Variants in LRCOL1 observed in about 807,000 individuals in gnomAD.
LRCOL1 encodes leucine rich colipase like 1, also known as leucine-rich colipase-like protein 1.
A neutral mutation model predicts 21.6 loss-of-function variants in LRCOL1; 21 were observed. The ratio of observed to expected loss-of-function variants is 0.97; its 90% CI spans 0.69 to 1.40. The LOEUF is 1.40. Among genes scored for constraint, LRCOL1 ranks in the 40% most tolerant of loss-of-function variants. The probability of loss-of-function intolerance (pLI) is 0.00; values close to 1 mark genes in which losing one functional copy is unlikely to be tolerated. For synonymous variants in LRCOL1, 98 were observed against 90.1 expected, an observed-to-expected ratio of 1.09 and a Z score of -0.49; for missense variants, 198 against 202.3, an observed-to-expected ratio of 0.98 and a Z score of 0.13.
Position 132,604,832 on chromosome 12 carries a change from C to A in LRCOL1, c.106-1G>T. ...GTCTCCTGCATGGCTCCCCGATGCC[C>A]TGAAACACCACTCACCAGCTCGCTC... On this transcript the variant is annotated splice_acceptor_variant, in intron 2 of 5. Transcript: ENST00000376608. LOFTEE classifies it high-confidence loss of function. The A allele has an allele frequency of 2.0e-6, 3 of 1,535,850 alleles. No individual in the cohort carries two copies.
chr12:132,606,211 A>G lies in LRCOL1; in HGVS notation c.41T>C (p.Leu14Pro). The G allele has an allele frequency of 6.5e-7, 1 of 1,536,608 alleles. No homozygotes were observed. The highest frequency in any genetic ancestry group is 8.7e-7 in the Non-Finnish European group (1 of 1,146,838). The change falls in exon 2 of 6, where the codon CTG (leucine) becomes CCG (proline). Residue 14 changes from leucine to proline, a missense_variant. Leu to Pro is a moderately conservative substitution (Grantham distance 98). Transcript: ENST00000376608. The surrounding 1 kb of genome is among the most constrained non-coding windows in gnomAD (Gnocchi z 4.6). ...TGCCATGGACCCCAGCAGCAGCAGC[A>G]GCAGCAGCAGTAGCAGCAGCGTCCA... Reference protein sequence around the residue: ...PGWTLLLLLLLLLLLGSMAGY... With the variant: ...PGWTLLLLLLPLLLLGSMAGY...
intron 5 of LRCOL1, 76 bp from the exon 6 acceptor site, chr12:132,603,480 C>T (rs2041252955): frequency 2.0e-6 from 3 of 1,535,592 alleles, no homozygotes; most frequent in Non-Finnish European, 2.6e-6. Flanking sequence ...GACGGGAACC[C>T]GGGGCCACAG....
At chr12:132,604,166 G>C in intron 5 of LRCOL1, 88 bp downstream of exon 5, 1 of 1,458,536 alleles carries the variant, frequency 6.9e-7, no homozygotes, top group African/African-American at 1.4e-5. Context: ...TCACAGCCGC[G>C]GTCCCGGTCC....
chr12:132,605,590 G>A (rs998100283), intron 2 of LRCOL1, among the ~76,000 whole-genome samples: 10 of 152,020 alleles, frequency 6.6e-5, no homozygotes, highest in Admixed American at 3.9e-4. Context: ...TTAGCCAGGC[G>A]TGGTGGCGCG....
intron 5 of LRCOL1, 99 bp downstream of exon 5, chr12:132,604,155 C>G: frequency 6.9e-6 from 10 of 1,456,038 alleles, no homozygotes; most frequent in Non-Finnish European, 8.1e-6. Context: ...GAGCCCACCT[C>G]TCACAGCCGC....
rs746262713 is a variant in LRCOL1, at chr12:132,606,035, C to T, written c.105+112G>A. Reference sequence around the variant, plus strand: ...TTGTGTCCCTTTGAGACCCTCCTGACGGAAAGTGGCAGCCCTCGCGGGTGG... The same window carrying T: ...TTGTGTCCCTTTGAGACCCTCCTGATGGAAAGTGGCAGCCCTCGCGGGTGG... On this transcript the variant is annotated intron_variant, in intron 2 of 5. Coordinates refer to ENST00000376608, the MANE Select transcript of LRCOL1 (RefSeq NM_001195520.2). This position sits in a 1 kb window ranked among gnomAD's most constrained non-coding sequence, Gnocchi z 4.6. 23 of 973,996 alleles carry T rather than the reference C, an allele frequency of 2.4e-5. No homozygotes were observed. The highest frequency in any genetic ancestry group is 1.4e-4 in the Admixed American group (6 of 41,392). 60.3% of individuals were successfully genotyped at this position (973,996 alleles called of 1,614,324 possible). A position where few individuals can be genotyped will look rare whatever the true frequency, so the allele number is the denominator to read the frequency against.
chr12:132,608,813 C>G (rs553270039), intron 1 of LRCOL1, among the ~76,000 whole-genome samples: 9 of 152,184 alleles, frequency 5.9e-5, no homozygotes, highest in Non-Finnish European at 1.2e-4. Context: ...CTTGCAGTAT[C>G]TTTCCTGTAC....
intron 5 of LRCOL1, 54 bp downstream of exon 5, chr12:132,604,200 T>C (rs2041268396): frequency 6.7e-7 from 1 of 1,492,810 alleles, no homozygotes; most frequent in Admixed American, 2.1e-5. Flanking sequence ...CTGTGCGACT[T>C]CCCTGTGGCG....
At chr12:132,607,936 CCTCT>C (rs755436219) in intron 1 of LRCOL1, among the ~76,000 whole-genome samples, 9 of 134,006 alleles carry the variant, frequency 6.7e-5, no homozygotes, top group East Asian at 2.3e-4. Context: ...TCTGTCTCTC[CCTCT>C]CTTTCTCTGC....
intron 3 of LRCOL1, 29 bp from the exon 4 acceptor site, chr12:132,604,613 C>A (rs765386243): frequency 1.3e-6 from 2 of 1,526,836 alleles, no homozygotes; most frequent in Non-Finnish European, 1.8e-6. Context: ...GTCATCCCTG[C>A]ACCCACCATC....
At position 132,606,255 on chromosome 12, in the gene LRCOL1, G is replaced by GTGTGTGGACCTGCAGAGACCCAGGAT; in HGVS notation, c.-13-17_-5dup. The GTGTGTGGACCTGCAGAGACCCAGGAT allele has an allele frequency of 6.5e-7, 1 of 1,536,254 alleles. No homozygotes were observed. The highest frequency in any genetic ancestry group is 8.7e-7 in the Non-Finnish European group (1 of 1,146,886). ...GCGTCCACCCCGGGCCGGCCATCGG[G>GTGTGTGGACCTGCAGAGACCCAGGAT]TGTGTGGACCTGCAGAGACCCAGGA... On this transcript the variant is annotated 5_prime_UTR_variant, in exon 2 of 6. Coordinates refer to ENST00000376608, the MANE Select transcript of LRCOL1 (RefSeq NM_001195520.2). This position sits in a 1 kb window ranked among gnomAD's most constrained non-coding sequence, Gnocchi z 4.6.
chr12:132,604,203 C>G, intron 5 of LRCOL1, 51 bp downstream of exon 5: 1 of 1,494,384 alleles, frequency 6.7e-7, no homozygotes, highest in Admixed American at 2.1e-5. Context: ...TGCGACTTCC[C>G]TGTGGCGGCC....
chr12:132,605,744 CTT>C (rs1491330433), intron 2 of LRCOL1: 69,260 of 161,860 alleles, frequency 0.43, 15,204 homozygotes, highest in East Asian at 0.61. Flanking sequence ...CTCTCTCTCT[CTT>C]ACACACACAC....
chr12:132,608,893 G>A (rs917653341), intron 1 of LRCOL1, among the ~76,000 whole-genome samples: 2 of 152,106 alleles, frequency 1.3e-5, no homozygotes, highest in Admixed American at 6.5e-5. Context: ...CACAGGCTTC[G>A]TTTCCAAATG....
intron 1 of LRCOL1, among the ~76,000 whole-genome samples, chr12:132,607,805 C>T: frequency 6.7e-6 from 1 of 150,308 alleles, no homozygotes; most frequent in Non-Finnish European, 1.5e-5. Flanking sequence ...CTGTCTCTGT[C>T]TCCCTCTCTC....
Position 132,603,404 on chromosome 12 carries a change from A to G in LRCOL1, c.478T>C (p.Ter160ArgextTer43). 6.5e-7 allele frequency: 1 copy of G among 1,536,188 alleles called. No homozygotes were observed. The highest frequency in any genetic ancestry group is 8.7e-7 in the Non-Finnish European group (1 of 1,146,900). The part of the protein sequence containing the change: ...TGILAQCLPL[*>R] ...TCGCGCCCAGGTTCGAGCTCACATCACTGAAGGAGAAGCCAAAGCTGAGGA... is the reference window on the plus strand; with the variant it reads ...TCGCGCCCAGGTTCGAGCTCACATCGCTGAAGGAGAAGCCAAAGCTGAGGA... Residue 160 changes from the stop codon to arginine, a stop_lost and splice_region_variant, in exon 6 of 6, where the codon TGA becomes CGA. Transcript: ENST00000376608.
intron 1 of LRCOL1, among the ~76,000 whole-genome samples, chr12:132,610,045 A>C (rs1031365178): frequency 1.3e-5 from 2 of 152,166 alleles, no homozygotes; most frequent in Non-Finnish European, 2.9e-5. Context: ...TGAGCGTAAG[A>C]CCCTGGGGCT....
chr12:132,604,520 C>T lies in LRCOL1; in HGVS notation c.296G>A (p.Ser99Asn). The change falls in exon 4 of 6, where the codon AGC (serine) becomes AAC (asparagine). Residue 99 changes from serine (S) to asparagine (N), a missense_variant. Physicochemically the swap from Ser to Asn is conservative, Grantham distance 46. Coordinates refer to ENST00000376608, the MANE Select transcript of LRCOL1 (RefSeq NM_001195520.2). ...TTGGGGCGTGCACAACTCCTGCGGGCTGTTGTTGCGGACGCAGCAGCTGCT... is the reference window on the plus strand; with the variant it reads ...TTGGGGCGTGCACAACTCCTGCGGGTTGTTGTTGCGGACGCAGCAGCTGCT... ...CQSSCCVRNN[S>N]PQELCTPQSV... 1 of 1,536,184 alleles carries T rather than the reference C, an allele frequency of 6.5e-7. No homozygotes were observed. Among genetic ancestry groups the T allele is most frequent in the Non-Finnish European group, 8.7e-7 (1 of 1,146,908 alleles).
At chr12:132,608,865 G>A (rs1459169637) in intron 1 of LRCOL1, among the ~76,000 whole-genome samples, 1 of 151,996 alleles carries the variant, frequency 6.6e-6, no homozygotes, top group African/African-American at 2.4e-5. Flanking sequence ...AAACCTTTTC[G>A]TAGGTCCTTG....
Sources: gnomAD v4.1 joint callset for allele counts (sites outside exome capture counted in the v4.1 genomes callset) on GRCh38, gnomAD v4.1.1 for gene constraint, Gnocchi (gnomAD v3.1) non-coding constraint, MANE v1.5 for transcripts, NCBI Gene and HGNC (gene_info 2026-07-23, HGNC 2026-07-21) for gene names.